ZNF215: variants seen among roughly 807,000 people sequenced by gnomAD.
ZNF215 encodes BWSCR2-associated zinc finger protein 2.
A neutral mutation model predicts 27.2 loss-of-function variants in ZNF215; 24 were observed. The ratio of observed to expected loss-of-function variants is 0.88; its 90% CI spans 0.64 to 1.24. The LOEUF (loss-of-function observed/expected upper bound fraction) is 1.24, where lower values mean the gene tolerates loss of function less well. Ranked by LOEUF, ZNF215 falls within the 50% of genes most tolerant of loss-of-function variation. ZNF215 has a pLI of 0.00. For missense variants in ZNF215, 675 were observed against 605.7 expected (o/e 1.11, Z -1.20); for synonymous variants, 210 against 204.0 (o/e 1.03, Z -0.25).
chr11:6,946,219 T>C (rs180873279), intron 6 of ZNF215, among the ~76,000 whole-genome samples: 1 of 152,312 alleles, frequency 6.6e-6, no homozygotes, highest in African/African-American at 2.4e-5. Flanking sequence ...AGCTCTATTA[T>C]TATTGCCGCA....
intron 2 of ZNF215, among the ~76,000 whole-genome samples, 197 bp from the exon 3 acceptor site, chr11:6,931,897 A>G (rs1376517653): frequency 3.3e-5 from 5 of 152,134 alleles, no homozygotes; most frequent in African/African-American, 1.2e-4. Context: ...TGGGATGTCT[A>G]TTCGTGTGTG....
chr11:6,984,105 C>A, intron 5 of ZNF215: 2 of 407,656 alleles, frequency 4.9e-6, no homozygotes, highest in Non-Finnish European at 9.5e-6. Context: ...TTGACAATGT[C>A]CCTTAAATTT....
chr11:6,953,752 G>A (rs923707656), intron 6 of ZNF215, among the ~76,000 whole-genome samples: 22 of 152,122 alleles, frequency 1.4e-4, no homozygotes, highest in African/African-American at 4.1e-4. Context: ...GTCATTCTCC[G>A]TCCGGCTTTG....
chr11:6,980,434 A>G (rs943473132), intron 5 of ZNF215, among the ~76,000 whole-genome samples: 1 of 152,054 alleles, frequency 6.6e-6, no homozygotes, highest in African/African-American at 2.4e-5. Context: ...AATACTTCAA[A>G]GTTTTAATAA....
chr11:6,990,779 C>T (rs1851106788), downstream of ZNF215, among the ~76,000 whole-genome samples: 1 of 101,402 alleles, frequency 9.9e-6, no homozygotes, highest in Admixed American at 1.1e-4. Context: ...CGCACACACA[C>T]AAAGGGGACT....
intron 5 of ZNF215, among the ~76,000 whole-genome samples, chr11:6,976,940 C>T (rs1037740850): frequency 2.0e-5 from 3 of 152,116 alleles, no homozygotes; most frequent in Admixed American, 1.3e-4. Context: ...TTGGCAGCAT[C>T]GTGCTGTCTC....
At chr11:6,988,500 G>C (rs1380806245), downstream of ZNF215, 2 of 153,488 alleles carry the variant, frequency 1.3e-5, no homozygotes, top group African/African-American at 4.8e-5. Context: ...CAGGCACCAA[G>C]AGGGGAAACC....
chr11:6,989,589 A>G (rs1447654841), downstream of ZNF215, among the ~76,000 whole-genome samples: 2 of 152,148 alleles, frequency 1.3e-5, no homozygotes, highest in African/African-American at 2.4e-5. Context: ...AGATTGATTC[A>G]GAGGGCTAAA....
chr11:6,963,674 G>C (rs549361271), intron 5 of ZNF215, among the ~76,000 whole-genome samples: 1 of 151,962 alleles, frequency 6.6e-6, no homozygotes, highest in Admixed American at 6.6e-5. Context: ...TGTGTCCTAT[G>C]GTAGGTGTAT....
intron 6 of ZNF215, among the ~76,000 whole-genome samples, chr11:6,951,865 G>C (rs1850085038): frequency 6.6e-6 from 1 of 152,000 alleles, no homozygotes; most frequent in African/African-American, 2.4e-5. Flanking sequence ...TCTCTTGTGG[G>C]CATTTAGTGC....
chr11:6,982,657 A>G (rs1262682761), intron 5 of ZNF215, among the ~76,000 whole-genome samples: 2 of 152,164 alleles, frequency 1.3e-5, no homozygotes, highest in South Asian at 2.1e-4. Flanking sequence ...CTGAATGACT[A>G]CTGGGTACAT....
At chr11:6,947,737 C>A (rs1849873189) in intron 6 of ZNF215, among the ~76,000 whole-genome samples, 1 of 152,108 alleles carries the variant, frequency 6.6e-6, no homozygotes, top group African/African-American at 2.4e-5. Context: ...CTTAAAAGAG[C>A]AATCATTGTA....
In ZNF215 at chr11:6,956,749, G is replaced by A; in HGVS notation, c.*218G>A. The A allele has an allele frequency of 4.5e-6, 6 of 1,344,388 alleles. No homozygotes were observed. The highest frequency in any genetic ancestry group is 5.7e-6 in the Non-Finnish European group (6 of 1,054,132). 83.3% of individuals were successfully genotyped at this position (1,344,388 alleles called of 1,614,324 possible). A position where few individuals can be genotyped will look rare whatever the true frequency, so the allele number is the denominator to read the frequency against. The stretch of plus-strand genomic sequence containing the variant: ...TTTTCAGATGAAGCCATAAGGCTTT[G>A]GAGTTAAACCACAGTATCACCATAC... On this transcript the variant is annotated 3_prime_UTR_variant, in exon 7 of 7. Coordinates refer to ENST00000278319, the MANE Select transcript of ZNF215 (RefSeq NM_013250.4).
intron 5 of ZNF215, among the ~76,000 whole-genome samples, chr11:6,977,111 T>G (rs969654): frequency 6.6e-6 from 1 of 152,156 alleles, no homozygotes; most frequent in East Asian, 1.9e-4. Flanking sequence ...TGTGTTGAAG[T>G]CCTAATTCCA....
chr11:6,951,324 G>A, intron 6 of ZNF215, among the ~76,000 whole-genome samples: 1 of 151,922 alleles, frequency 6.6e-6, no homozygotes, highest in Non-Finnish European at 1.5e-5. Flanking sequence ...GTTCCTCCTT[G>A]TACCTCTGGT....
chr11:6,965,622 C>A (rs908124007), intron 5 of ZNF215, among the ~76,000 whole-genome samples: 17 of 152,102 alleles, frequency 1.1e-4, no homozygotes, highest in Non-Finnish European at 2.4e-4. Flanking sequence ...ACAGATCTTA[C>A]AAAGATTTTG....
At chr11:6,933,302 G>C (rs1849324872) in intron 3 of ZNF215, among the ~76,000 whole-genome samples, 1 of 152,192 alleles carries the variant, frequency 6.6e-6, no homozygotes. Flanking sequence ...AGTGGAATTT[G>C]GGAGTGGGGG....
intron 5 of ZNF215, among the ~76,000 whole-genome samples, chr11:6,977,934 C>T (rs183524343): frequency 1.9e-4 from 29 of 152,112 alleles, no homozygotes; most frequent in Middle Eastern, 6.8e-3. Flanking sequence ...CTTTGAGGGA[C>T]ACATCTAAGT....
intron 5 of ZNF215, among the ~76,000 whole-genome samples, chr11:6,980,733 A>T (rs867216298): frequency 2.0e-5 from 3 of 146,546 alleles, no homozygotes; most frequent in Admixed American, 1.4e-4. Context: ...AGCATTAGGT[A>T]TATCTCCTAA....
Sources: gnomAD v4.1 joint callset for allele counts (sites outside exome capture counted in the v4.1 genomes callset) on GRCh38, gnomAD v4.1.1 for gene constraint, MANE v1.5 for transcripts, NCBI Gene and HGNC (gene_info 2026-07-23, HGNC 2026-07-21) for gene names.